DHX15: variants seen among roughly 807,000 people sequenced by gnomAD.
The protein encoded by DHX15 is DEAH-box helicase 15.
A neutral mutation model predicts 94.4 loss-of-function variants in DHX15; 11 were observed. The observed-to-expected ratio is 0.12, with a 90% CI of 0.07 to 0.19. The LOEUF (loss-of-function observed/expected upper bound fraction) is 0.19, where lower values mean the gene tolerates loss of function less well. Ranked by LOEUF, DHX15 falls within the 10% of genes least tolerant of loss-of-function variation. DHX15 has a pLI of 1.00. For synonymous variants in DHX15, 338 were observed against 329.9 expected (o/e 1.02, Z -0.27); for missense variants, 304 against 988.5 (o/e 0.31, Z 9.29).
intron 1 of DHX15, among the ~76,000 whole-genome samples, chr4:24,582,524 G>C (rs1240559278): frequency 6.6e-6 from 1 of 152,136 alleles, no homozygotes. Context: ...CCTCCTGTGA[G>C]AGACATCAGT....
chr4:24,533,097 C>G, intron 11 of DHX15, 43 bp from the exon 12 acceptor site: 1 of 1,495,192 alleles, frequency 6.7e-7, no homozygotes, highest in Non-Finnish European at 9.3e-7. Flanking sequence ...CACCATGAAT[C>G]ACCCACACAG....
At chr4:24,549,880 G>T (rs1721550239) in intron 5 of DHX15, among the ~76,000 whole-genome samples, 3 of 151,908 alleles carry the variant, frequency 2.0e-5, no homozygotes, top group Admixed American at 2.0e-4. Flanking sequence ...GATCACCTGA[G>T]GTTGGGAGTT....
chr4:24,565,556 T>C (rs1721974270), intron 3 of DHX15, among the ~76,000 whole-genome samples: 3 of 152,214 alleles, frequency 2.0e-5, no homozygotes, highest in African/African-American at 7.2e-5. Context: ...CTGTTTCACC[T>C]TTACCTCCAG....
At chr4:24,544,072 G>A (rs1721373519) in intron 6 of DHX15, among the ~76,000 whole-genome samples, 1 of 152,068 alleles carries the variant, frequency 6.6e-6, no homozygotes, top group Admixed American at 6.6e-5. Context: ...TGACGGTAAG[G>A]TTAAGACCTA....
intron 6 of DHX15, among the ~76,000 whole-genome samples, chr4:24,543,257 T>A (rs1055646921): frequency 1.3e-5 from 2 of 152,148 alleles, no homozygotes; most frequent in Non-Finnish European, 2.9e-5. Flanking sequence ...AAGCTATTAC[T>A]TCAGGTTATC....
intron 3 of DHX15, among the ~76,000 whole-genome samples, chr4:24,568,820 C>T (rs551363228): frequency 5.9e-5 from 9 of 152,282 alleles, no homozygotes; most frequent in African/African-American, 2.2e-4. Context: ...ACATAATGAG[C>T]TATGATTTTG....
At chr4:24,573,263 A>C (rs1308876856) in intron 2 of DHX15, among the ~76,000 whole-genome samples, 1 of 152,014 alleles carries the variant, frequency 6.6e-6, no homozygotes, top group Non-Finnish European at 1.5e-5. Flanking sequence ...TGCTTCCTCC[A>C]CTTGAGGGCA....
At chr4:24,550,119 A>AAAAAAAAAAAAAAAAAAAAAAAAAAAAAG (rs1721560277) in intron 5 of DHX15, among the ~76,000 whole-genome samples, 1 of 144,604 alleles carries the variant, frequency 6.9e-6, no homozygotes. Context: ...AAAAAAAAAA[A>AAAAAAAAAAAAAAAAAAAAAAAAAAAAAG]AAAACGGTAA....
chr4:24,561,479 T>C lies in DHX15; in HGVS notation c.702-5069A>G, dbSNP rs28478859. 5.8e-3 allele frequency among the ~76,000 whole-genome samples: 878 copies of C among 152,316 alleles called. 9 individuals are homozygous for C. Among genetic ancestry groups the C allele is most frequent in the African/African-American group, 0.02 (842 of 41,584 alleles). Reference sequence around the variant, plus strand: ...TGGGTATACAGAATATAAACCCTTCTACCATAATGACACAGGCCTGTGTAT... The same window carrying C: ...TGGGTATACAGAATATAAACCCTTCCACCATAATGACACAGGCCTGTGTAT... On this transcript the variant is annotated intron_variant, in intron 3 of 13. Coordinates refer to ENST00000336812, the MANE Select transcript of DHX15 (RefSeq NM_001358.3).
intron 5 of DHX15, among the ~76,000 whole-genome samples, chr4:24,553,043 C>T (rs1721646528): frequency 1.3e-5 from 2 of 152,220 alleles, no homozygotes; most frequent in African/African-American, 2.4e-5. Context: ...AAAAATATGG[C>T]CAGGTGCAGT....
intron 10 of DHX15, chr4:24,538,578 T>A (rs184960321): frequency 2.7e-4 from 41 of 152,232 alleles, no homozygotes; most frequent in Admixed American, 2.0e-3. Context: ...CATTACAAGC[T>A]CAGCAAACTA....
chr4:24,566,503 A>G (rs1721996430), intron 3 of DHX15, among the ~76,000 whole-genome samples: 1 of 152,020 alleles, frequency 6.6e-6, no homozygotes, highest in Non-Finnish European at 1.5e-5. Context: ...CTGGCTAACC[A>G]CTACTTTAAA....
chr4:24,546,052 T>G (rs1393229060), intron 6 of DHX15, among the ~76,000 whole-genome samples: 1 of 152,080 alleles, frequency 6.6e-6, no homozygotes. Context: ...CACTTCAAAG[T>G]AGAACTCGCA....
intron 5 of DHX15, among the ~76,000 whole-genome samples, chr4:24,553,628 T>A (rs1450570347): frequency 1.3e-5 from 2 of 150,874 alleles, no homozygotes; most frequent in Admixed American, 1.3e-4. Flanking sequence ...TAAAAAAAAA[T>A]TAGCCAGGTG....
At chr4:24,580,055 C>T (rs534543396) in intron 1 of DHX15, among the ~76,000 whole-genome samples, 3 of 152,306 alleles carry the variant, frequency 2.0e-5, no homozygotes, top group South Asian at 2.1e-4. Flanking sequence ...TGAGCCACCG[C>T]GCCCCACCAA....
At chr4:24,584,207 G>T in intron 1 of DHX15, 116 bp downstream of exon 1, 1 of 1,122,932 alleles carries the variant, frequency 8.9e-7, no homozygotes, top group Non-Finnish European at 1.3e-6. Flanking sequence ...ACCCAGCCCA[G>T]AGAGAAACAA....
rs763291837 is a variant in DHX15 at position 24,554,698 on chromosome 4, A to C, written c.1080+27T>G. 4 of 1,571,698 alleles carry C rather than the reference A, an allele frequency of 2.5e-6. No homozygotes were observed. The Admixed American group carries it at 6.8e-5, about 27-fold the overall frequency. On this transcript the variant is annotated intron_variant, in intron 5 of 13. Coordinates refer to ENST00000336812, the MANE Select transcript of DHX15 (RefSeq NM_001358.3). ...TATTAGAAACAGTATGTCAAAAGCT[A>C]AATAATGAAGAAAATTAAAACAATA...
chr4:24,551,991 C>T (rs1363097288), intron 5 of DHX15, among the ~76,000 whole-genome samples: 1 of 152,150 alleles, frequency 6.6e-6, no homozygotes, highest in Non-Finnish European at 1.5e-5. Flanking sequence ...GATATAAAGG[C>T]ATCTCTAAAA....
chr4:24,528,577 T>A (rs1243634103), intron 13 of DHX15, among the ~76,000 whole-genome samples: 3 of 152,172 alleles, frequency 2.0e-5, no homozygotes, highest in African/African-American at 7.2e-5. Context: ...GTGTCAAAAG[T>A]CCCAAATCCG....
Sources: allele counts gnomAD v4.1 joint callset (sites outside exome capture counted in the v4.1 genomes callset), GRCh38; gene constraint gnomAD v4.1.1; transcripts MANE v1.5; gene names NCBI Gene and HGNC (gene_info 2026-07-23, HGNC 2026-07-21).